RBFOX1: variants seen among roughly 807,000 people sequenced by gnomAD.
The protein encoded by RBFOX1 is RNA binding fox-1 homolog 1, also known as RNA binding protein fox-1 homolog 1.
RBFOX1 carries 8 observed loss-of-function variants against 57.7 expected under a neutral mutation model. The ratio of observed to expected loss-of-function variants is 0.14; its 90% confidence interval spans 0.08 to 0.25. The LOEUF (loss-of-function observed/expected upper bound fraction) is 0.25. Among genes scored for constraint, RBFOX1 ranks in the 10% least tolerant of loss-of-function variants. The pLI, the probability that RBFOX1 is intolerant of heterozygous loss-of-function variation, is 1.00. For missense variants in RBFOX1, 611 were observed against 548.5 expected, an observed-to-expected ratio of 1.11 and a Z score of -1.14; for synonymous variants, 326 against 222.4, an observed-to-expected ratio of 1.47 and a Z score of -4.15.
intron 4 of RBFOX1, among the ~76,000 whole-genome samples, chr16:7,437,022 A>G (rs1172430115): frequency 6.6e-6 from 1 of 152,230 alleles, no homozygotes; most frequent in East Asian, 1.9e-4. Flanking sequence ...TGGAGATTGC[A>G]GTAAGCCAAG....
intron 4 of RBFOX1, among the ~76,000 whole-genome samples, chr16:7,159,112 A>G (rs957330510): frequency 3.3e-5 from 5 of 152,118 alleles, no homozygotes. Context: ...ATGGTATCAT[A>G]CAGGATGTAA....
chr16:6,211,302 C>T (rs983221202), intron 1 of RBFOX1, among the ~76,000 whole-genome samples: 2 of 148,678 alleles, frequency 1.3e-5, no homozygotes, highest in African/African-American at 2.5e-5. Flanking sequence ...GATCTCCGCT[C>T]ACTGCAAGCT....
chr16:7,065,793 A>G (rs2055858590), intron 4 of RBFOX1, among the ~76,000 whole-genome samples: 1 of 152,278 alleles, frequency 6.6e-6, no homozygotes, highest in East Asian at 1.9e-4. Flanking sequence ...TATTTGACCA[A>G]TATCTCCTAA....
chr16:6,402,456 C>T (rs1185561973), intron 2 of RBFOX1, among the ~76,000 whole-genome samples: 1 of 152,162 alleles, frequency 6.6e-6, no homozygotes, highest in East Asian at 1.9e-4. Context: ...TTTTAATGCA[C>T]TTTCATTGGA....
chr16:6,508,192 A>G (rs1244042190), intron 2 of RBFOX1, among the ~76,000 whole-genome samples: 1 of 152,128 alleles, frequency 6.6e-6, no homozygotes, highest in African/African-American at 2.4e-5. Context: ...AGAGTGAAAC[A>G]ACACATCCTG....
chr16:6,851,582 T>C (rs954502018), intron 3 of RBFOX1, among the ~76,000 whole-genome samples: 24 of 152,212 alleles, frequency 1.6e-4, no homozygotes, highest in African/African-American at 5.8e-4. Context: ...TTGTAAGAGC[T>C]TTCCCCTAAG....
chr16:7,435,808 A>G (rs567317283), intron 4 of RBFOX1, among the ~76,000 whole-genome samples: 1 of 152,318 alleles, frequency 6.6e-6, no homozygotes, highest in Non-Finnish European at 1.5e-5. Flanking sequence ...CCTGTGTCAA[A>G]GAAATTAAAG....
chr16:7,374,493 C>A (rs2097647363), intron 4 of RBFOX1, among the ~76,000 whole-genome samples: 1 of 152,076 alleles, frequency 6.6e-6, no homozygotes, highest in African/African-American at 2.4e-5. Flanking sequence ...CAGACTCTAG[C>A]CTTAAGCCAA....
intron 1 of RBFOX1, among the ~76,000 whole-genome samples, chr16:6,291,725 C>T (rs766573934): frequency 6.6e-6 from 1 of 152,166 alleles, no homozygotes; most frequent in Non-Finnish European, 1.5e-5. Flanking sequence ...TTTCTCTTAT[C>T]CTCCAACATG....
intron 11 of RBFOX1, 66 bp downstream of exon 11, chr16:7,630,749 C>G: frequency 6.3e-7 from 1 of 1,597,888 alleles, no homozygotes; most frequent in East Asian, 2.3e-5. Flanking sequence ...CCTTCCCTGC[C>G]ATGTAAGTTC....
intron 3 of RBFOX1, among the ~76,000 whole-genome samples, chr16:6,677,973 A>C (rs574187362): frequency 6.6e-6 from 1 of 152,376 alleles, no homozygotes; most frequent in South Asian, 2.1e-4. Context: ...TAGAAATATA[A>C]TGTCAAACAT....
chr16:7,186,841 T>C (rs1304324326), intron 4 of RBFOX1, among the ~76,000 whole-genome samples: 1 of 151,188 alleles, frequency 6.6e-6, no homozygotes, highest in Non-Finnish European at 1.5e-5. Context: ...TTGAACAATA[T>C]TCTTTATGAC....
At chr16:6,565,389 C>T (rs1268774295) in intron 2 of RBFOX1, among the ~76,000 whole-genome samples, 1 of 152,076 alleles carries the variant, frequency 6.6e-6, no homozygotes, top group East Asian at 1.9e-4. Context: ...TCCCAAGTAG[C>T]TGGAACTACA....
chr16:5,716,837 G>T (rs1273457410), intron 3 of RBFOX1, among the ~76,000 whole-genome samples: 3 of 152,222 alleles, frequency 2.0e-5, no homozygotes, highest in Non-Finnish European at 4.4e-5. Context: ...ATGACCATCA[G>T]TGGCAGATTT....
At chr16:6,887,370 G>C (rs181073082) in intron 3 of RBFOX1, among the ~76,000 whole-genome samples, 60 of 152,216 alleles carry the variant, frequency 3.9e-4, no homozygotes, top group Admixed American at 8.5e-4. Flanking sequence ...GTTCTCCCTG[G>C]CCTTATGGGT....
At chr16:7,639,833 C>T (rs192162716) in intron 11 of RBFOX1, among the ~76,000 whole-genome samples, 227 of 152,226 alleles carry the variant, frequency 1.5e-3, no homozygotes, top group African/African-American at 5.3e-3. Context: ...TTTCAGACAC[C>T]TACTAGGTGC....
intron 3 of RBFOX1, among the ~76,000 whole-genome samples, chr16:6,751,197 T>G (rs529076405): frequency 4.0e-5 from 6 of 151,878 alleles, no homozygotes; most frequent in African/African-American, 1.4e-4. Context: ...CAATGAAGAG[T>G]TTTAAGGACA....
intron 4 of RBFOX1, among the ~76,000 whole-genome samples, chr16:7,208,670 A>C (rs540200041): frequency 5.2e-4 from 79 of 152,184 alleles, no homozygotes; most frequent in Middle Eastern, 3.4e-3. Context: ...ACCGTATCTC[A>C]ACAAAAAATT....
intron 5 of RBFOX1, among the ~76,000 whole-genome samples, chr16:7,547,499 C>A (rs1320308336): frequency 1.3e-5 from 2 of 152,136 alleles, no homozygotes; most frequent in Non-Finnish European, 2.9e-5. Context: ...GTCCCTTCTG[C>A]AAGCTAGGGT....
Sources: gnomAD v4.1 joint callset for allele counts (sites outside exome capture counted in the v4.1 genomes callset) on GRCh38, gnomAD v4.1.1 for gene constraint, MANE v1.5 for transcripts, NCBI Gene and HGNC (gene_info 2026-07-23, HGNC 2026-07-21) for gene names.